Variants in ATIC observed in about 807,000 individuals in gnomAD.
ATIC encodes the protein 5-aminoimidazole-4-carboxamide ribonucleotide formyltransferase/IMP cyclohydrolase.
Under a neutral mutation model 72.5 loss-of-function variants are expected in ATIC, and 64 were observed. The observed-to-expected ratio is 0.88, with a 90% confidence interval of 0.72 to 1.09. ATIC has a LOEUF of 1.09. Ranked by LOEUF, ATIC falls within the 50% of genes least tolerant of loss-of-function variation. The pLI, the probability that ATIC is intolerant of heterozygous loss-of-function variation, is 0.00. For synonymous variants in ATIC, 281 were observed against 267.1 expected (o/e 1.05, Z -0.51); for missense variants, 787 against 732.4 (o/e 1.07, Z -0.86).
At chr2:215,326,782 A>C in intron 6 of ATIC, 40 bp from the exon 7 acceptor site, 1 of 1,612,858 alleles carries the variant, frequency 6.2e-7, no homozygotes, top group Non-Finnish European at 8.5e-7. Flanking sequence ...CCACTTTGGA[A>C]AGTGCTGCTC....
chr2:215,335,090 A>G, intron 10 of ATIC, 86 bp downstream of exon 10: 2 of 721,706 alleles, frequency 2.8e-6, no homozygotes, highest in Non-Finnish European at 4.3e-6. Context: ...AACCTATAAT[A>G]TTTATATTTA....
chr2:215,363,831 AC>A, the ATIC span, among the ~76,000 whole-genome samples: 1 of 152,180 alleles, frequency 6.6e-6, no homozygotes, highest in African/African-American at 2.4e-5. Context: ...TTTTTGTTAT[AC>A]TGGGCATATT....
chr2:215,362,489 CAG>C, the ATIC span: 1 of 251,154 alleles, frequency 4.0e-6, no homozygotes. Flanking sequence ...GGTAAGGAAA[CAG>C]AGACCCAGAG....
the ATIC span, chr2:215,365,508 G>T: frequency 6.2e-7 from 1 of 1,613,874 alleles, no homozygotes; most frequent in Non-Finnish European, 8.5e-7. Flanking sequence ...GACATACGAG[G>T]GTCACACTTG....
At chr2:215,338,721 A>G (rs2052983752) in intron 11 of ATIC, 58 bp from the exon 12 acceptor site, 2 of 1,556,578 alleles carry the variant, frequency 1.3e-6, no homozygotes, top group Admixed American at 3.5e-5. Flanking sequence ...TATAAATTAA[A>G]TGAAAAATTT....
chr2:215,362,068 A>G, the ATIC span: 40 of 1,613,750 alleles, frequency 2.5e-5, no homozygotes, highest in Non-Finnish European at 3.3e-5. Flanking sequence ...GGCAGTTGTC[A>G]CAGCGCCAGC....
At chr2:215,365,245 G>C in the ATIC span, among the ~76,000 whole-genome samples, 1 of 152,172 alleles carries the variant, frequency 6.6e-6, no homozygotes, top group Non-Finnish European at 1.5e-5. Context: ...GACCAATAAA[G>C]CTTCTTTGTA....
the ATIC span, among the ~76,000 whole-genome samples, chr2:215,358,947 A>G: frequency 6.6e-6 from 1 of 152,234 alleles, no homozygotes; most frequent in Non-Finnish European, 1.5e-5. Context: ...CAATAGCACA[A>G]TCTTGACTCG....
At chr2:215,319,787 C>T in intron 4 of ATIC, 56 bp downstream of exon 4, 4 of 1,362,342 alleles carry the variant, frequency 2.9e-6, no homozygotes, top group Non-Finnish European at 4.2e-6. Flanking sequence ...AAAGACTATG[C>T]CAAACCTGGT....
At chr2:215,361,994 T>C in the ATIC span, 2 of 1,613,230 alleles carry the variant, frequency 1.2e-6, no homozygotes, top group Admixed American at 1.7e-5. Flanking sequence ...ATGGTATCTC[T>C]GAGAATACTG....
intron 11 of ATIC, among the ~76,000 whole-genome samples, chr2:215,336,344 C>T (rs12474089): frequency 0.2 from 30,719 of 152,086 alleles, 3,459 homozygotes; most frequent in East Asian, 0.5. Context: ...TGTGATGGCT[C>T]ATGCCTATAA....
chr2:215,365,039 C>A, the ATIC span: 4 of 1,153,082 alleles, frequency 3.5e-6, no homozygotes, highest in Admixed American at 4.0e-5. Flanking sequence ...ATACTGCAGA[C>A]TTGATCTAGG....
At chr2:215,326,795 G>T in intron 6 of ATIC, 27 bp from the exon 7 acceptor site, 1 of 1,613,518 alleles carries the variant, frequency 6.2e-7, no homozygotes, top group Non-Finnish European at 8.5e-7. Flanking sequence ...TGCTGCTCGT[G>T]TCTCACAAAA....
intron 15 of ATIC, 79 bp from the exon 16 acceptor site, chr2:215,349,457 A>G: frequency 6.2e-7 from 1 of 1,609,290 alleles, no homozygotes; most frequent in Non-Finnish European, 8.5e-7. Context: ...TTGTTAGCAT[A>G]TGCTTTTTAG....
the ATIC span, chr2:215,364,820 G>T: frequency 3.5e-6 from 4 of 1,148,472 alleles, no homozygotes; most frequent in Non-Finnish European, 5.1e-6. Context: ...ACACATCCTT[G>T]CAGGAGCCCA....
At chr2:215,340,699 G>C (rs183448352) in intron 12 of ATIC, among the ~76,000 whole-genome samples, 2 of 152,226 alleles carry the variant, frequency 1.3e-5, no homozygotes, top group African/African-American at 4.8e-5. Context: ...TGTGAGGACT[G>C]GTCTGTTCAT....
At chr2:215,350,615 T>A (rs1219843722), downstream of ATIC, among the ~76,000 whole-genome samples, 1 of 152,194 alleles carries the variant, frequency 6.6e-6, no homozygotes, top group African/African-American at 2.4e-5. Context: ...TCCCAGAATT[T>A]CAGCAGCCCG....
chr2:215,358,255 AC>A, the ATIC span, among the ~76,000 whole-genome samples: 1 of 152,170 alleles, frequency 6.6e-6, no homozygotes, highest in Non-Finnish European at 1.5e-5. Flanking sequence ...GCAATGTAAA[AC>A]TTTAAAACGA....
chr2:215,350,922 T>C (rs1389903706), downstream of ATIC, among the ~76,000 whole-genome samples: 3 of 152,242 alleles, frequency 2.0e-5, no homozygotes, highest in Non-Finnish European at 2.9e-5. Context: ...TTCTGAAGTT[T>C]TTTCTTAATG....
Sources: allele counts gnomAD v4.1 joint callset (sites outside exome capture counted in the v4.1 genomes callset), GRCh38; gene constraint gnomAD v4.1.1; transcripts MANE v1.5; gene names NCBI Gene and HGNC (gene_info 2026-07-23, HGNC 2026-07-21).